The following KAT8 variants were observed in gnomAD, a reference collection of about 807,000 sequenced individuals.
KAT8 encodes histone acetyltransferase KAT8.
In KAT8, 40 loss-of-function variants were observed where a neutral mutation model predicts 62.9. The ratio of observed to expected loss-of-function variants is 0.64; its 90% CI spans 0.49 to 0.83. The LOEUF (loss-of-function observed/expected upper bound fraction) is 0.83, where lower values mean the gene tolerates loss of function less well. Among genes scored for constraint, KAT8 ranks in the 40% least tolerant of loss-of-function variants. The probability of loss-of-function intolerance (pLI) is 0.00; values close to 1 mark genes in which losing one functional copy is unlikely to be tolerated. For missense variants in KAT8, 387 were observed against 614.8 expected (o/e 0.63, Z 3.92); for synonymous variants, 278 against 254.5 (o/e 1.09, Z -0.88).
intron 10 of KAT8, 122 bp downstream of exon 10, chr16:31,131,022 T>C (rs1205194926): frequency 6.6e-7 from 1 of 1,512,120 alleles, no homozygotes; most frequent in South Asian, 1.3e-5. Flanking sequence ...GCTCCCAGGA[T>C]GGAGCCCGGG....
chr16:31,130,104 A>G lies in KAT8; in HGVS notation c.859A>G (p.Ile287Val), dbSNP rs1348705512. Residue 287 changes from isoleucine to valine, a missense_variant, in exon 7 of 11, where the codon ATC becomes GTC. Transcript: ENST00000219797. ...TGACGTGGAGCCGTTCGTCTTTTAC[A>G]TCCTGACTGAGGTGGACCGGCAGGG... The part of the protein sequence containing the change: ...YFDVEPFVFY[I>V]LTEVDRQGAH... 5.0e-6 allele frequency: 8 copies of G among 1,605,408 alleles called. No homozygotes were observed. In the South Asian group the frequency reaches 8.8e-5, roughly 18 times the overall value.
chr16:31,120,296 G>GAGTT (rs2057483674), intron 2 of KAT8, 36 bp downstream of exon 2: 1 of 1,613,974 alleles, frequency 6.2e-7, no homozygotes, highest in East Asian at 2.2e-5. Context: ...TGGGTGCAGG[G>GAGTT]AGTTGGCTGC....
chr16:31,120,344 C>T lies in KAT8; in HGVS notation c.292C>T (p.Arg98Trp). The change falls in exon 3 of 11, where the codon CGG (arginine) becomes TGG (tryptophan). Residue 98 changes from arginine to tryptophan, a missense_variant. By Grantham distance (101) the Arg-to-Trp change is moderately radical. This residue lies in a region of KAT8 where 69 missense variants were observed against 127.0 expected (regional missense o/e 0.54). Transcript: ENST00000219797. ...EFYVHYVGFN[R>W]RLDEWVDKNR... ...CTTATGGCCCATACTTACAGTTAAC[C>T]GGCGGCTGGACGAGTGGGTAGACAA... The T allele has an allele frequency of 6.2e-7, 1 of 1,613,876 alleles. No individual in the cohort carries two copies.
chr16:31,130,915 G>C lies in KAT8; in HGVS notation c.1312+15G>C, dbSNP rs777275739. On this transcript the variant is annotated intron_variant, in intron 10 of 10. Transcript: ENST00000219797. ...ACCCATCACAGGTGGGTGGGGGGCT[G>C]CTGTGTGTCGGGGGCGGTGGGGGAG... 6.2e-7 allele frequency: 1 copy of C among 1,608,576 alleles called. No individual in the cohort carries two copies. Among genetic ancestry groups the C allele is most frequent in the South Asian group, 1.1e-5 (1 of 90,756 alleles).
At chr16:31,127,902 G>GGCT in intron 5 of KAT8, 148 bp from the exon 6 acceptor site, 1 of 647,076 alleles carries the variant, frequency 1.5e-6, no homozygotes, top group Non-Finnish European at 2.8e-6. Flanking sequence ...ACTTTCCTAA[G>GGCT]GCTGCTGGGA....
chr16:31,120,164 C>T, intron 1 of KAT8, 22 bp from the exon 2 acceptor site: 1 of 1,608,170 alleles, frequency 6.2e-7, no homozygotes, highest in Non-Finnish European at 8.5e-7. Flanking sequence ...TTCCTGATGA[C>T]CCTAGCCTTT....
chr16:31,118,971 CCTT>C (rs887457970), intron 1 of KAT8, among the ~76,000 whole-genome samples: 12 of 150,164 alleles, frequency 8.0e-5, no homozygotes, highest in Non-Finnish European at 1.6e-4. Flanking sequence ...GAAGCCTAGA[CCTT>C]CTAGGCTCAA....
Position 31,130,048 on chromosome 16 carries a change from A to G in KAT8, c.803A>G (p.Lys268Arg). ...TGTCAGAACCTGTGTCTGCTGGCCAAGCTTTTCCTGGACCATAAGACACTG... is the reference window on the plus strand; with the variant it reads ...TGTCAGAACCTGTGTCTGCTGGCCAGGCTTTTCCTGGACCATAAGACACTG... The part of the protein sequence containing the change: ...IYCQNLCLLA[K>R]LFLDHKTLYF... The change falls in exon 7 of 11, where the codon AAG becomes AGG. Residue 268 changes from lysine (K) to arginine (R), a missense_variant. By Grantham distance (26) the Lys-to-Arg change is conservative (BLOSUM62 2). Around this residue, in one of 6 missense-constraint regions of KAT8, gnomAD observed 141 missense variants for 222.5 expected, o/e 0.63. Transcript: ENST00000219797. 6.2e-7 allele frequency: 1 copy of G among 1,614,134 alleles called. No homozygotes were observed. Among genetic ancestry groups the G allele is most frequent in the Non-Finnish European group, 8.5e-7 (1 of 1,180,038 alleles).
At chr16:31,128,753 G>A (rs1054502827) in intron 6 of KAT8, among the ~76,000 whole-genome samples, 2 of 152,222 alleles carry the variant, frequency 1.3e-5, no homozygotes, top group Non-Finnish European at 2.9e-5. Context: ...AAAGAAAGGT[G>A]TTTGTTTTTG....
In KAT8 at chr16:31,130,375, G is replaced by A; in HGVS notation, c.1006+15G>A. On this transcript the variant is annotated intron_variant, in intron 8 of 10. Transcript: ENST00000219797. ...CATCGCTTTCAGTGAGTGGTTCCTG[G>A]CCTGTCTGGGAGGGGGAGACCTGTG... 1 of 1,614,204 alleles carries A rather than the reference G, an allele frequency of 6.2e-7. No individual in the cohort carries two copies. Among genetic ancestry groups the A allele is most frequent in the African/African-American group, 1.3e-5 (1 of 75,064 alleles).
chr16:31,131,171 G>A (rs1391672642), intron 10 of KAT8, 24 bp from the exon 11 acceptor site: 3 of 1,613,230 alleles, frequency 1.9e-6, no homozygotes, highest in Non-Finnish European at 2.5e-6. Flanking sequence ...GCCCAGCCCT[G>A]CCTCCCGCCC....
chr16:31,117,818 C>T lies in KAT8; in HGVS notation c.137C>T (p.Pro46Leu), dbSNP rs1327408472. The T allele has an allele frequency of 4.9e-6, 7 of 1,434,774 alleles. No individual in the cohort carries two copies. The highest frequency in any genetic ancestry group is 4.5e-4 in the Middle Eastern group (2 of 4,448). 88.9% of individuals were successfully genotyped at this position (1,434,774 alleles called of 1,614,324 possible). A position where few individuals can be genotyped will look rare whatever the true frequency, so the allele number is the denominator to read the frequency against. The part of the protein sequence containing the change: ...PSPGRVSPPT[P>L]ARGEPEVTVE... The stretch of plus-strand genomic sequence containing the variant: ...CCGGGCCGCGTCTCTCCGCCGACCC[C>T]GGCGCGCGGCGAGCCGGAAGTCACG... The change falls in exon 1 of 11, where the codon CCG (proline) becomes CTG (leucine). Residue 46 changes from proline to leucine, a missense_variant. Around this residue, in one of 6 missense-constraint regions of KAT8, gnomAD observed 92 missense variants for 78.8 expected, o/e 1.17. Coordinates refer to ENST00000219797, the MANE Select transcript of KAT8 (RefSeq NM_032188.3).
At chr16:31,130,673 A>T (rs2057570643) in intron 9 of KAT8, 67 bp downstream of exon 9, 1 of 1,610,526 alleles carries the variant, frequency 6.2e-7, no homozygotes, top group South Asian at 1.1e-5. Context: ...CTGCTTCCTC[A>T]TACCCTGTCA....
intron 6 of KAT8, among the ~76,000 whole-genome samples, chr16:31,128,869 T>G (rs1003070390): frequency 2.0e-5 from 3 of 152,224 alleles, no homozygotes; most frequent in African/African-American, 7.2e-5. Context: ...GCAGGGCAGG[T>G]TGGGGCCTTT....
In KAT8 at chr16:31,118,048, G is replaced by T. The variant is rs1438467238; in HGVS notation, c.211+156G>T. On this transcript the variant is annotated intron_variant, in intron 1 of 10. Transcript: ENST00000219797. ...GAGGAAAGAACGCCGCGTTCCGGGCGCTGAGAAACCAGCCGGGTTGTGGGA... is the reference window on the plus strand; with the variant it reads ...GAGGAAAGAACGCCGCGTTCCGGGCTCTGAGAAACCAGCCGGGTTGTGGGA... 7.1e-6 allele frequency: 4 copies of T among 561,528 alleles called. No homozygotes were observed. In the East Asian group the frequency reaches 1.0e-4, roughly 15 times the overall value. 34.8% of individuals were successfully genotyped at this position (561,528 alleles called of 1,614,324 possible).
At chr16:31,120,597 A>T (rs2057485938) in intron 3 of KAT8, 83 bp downstream of exon 3, 1 of 1,274,042 alleles carries the variant, frequency 7.8e-7, no homozygotes, top group African/African-American at 1.5e-5. Context: ...CCAGTGCCAA[A>T]ACCATAGCAA....
chr16:31,130,658 C>T lies in KAT8; in HGVS notation c.1157+52C>T, dbSNP rs73530235. On this transcript the variant is annotated intron_variant, in intron 9 of 10. Transcript: ENST00000219797. ...GCAGGACTTGCCCTGAGATGGGCCA[C>T]GATCCTGCTTCCTCATACCCTGTCA... 4.2e-4 allele frequency: 669 copies of T among 1,610,360 alleles called. 3 individuals are homozygous for T. The African/African-American group carries it at 8.0e-3, about 19-fold the overall frequency.
At position 31,120,409 on chromosome 16, in the gene KAT8, A is replaced by G. The variant is rs753609278; in HGVS notation, c.357A>G (p.Val119=). 5.0e-6 allele frequency: 8 copies of G among 1,614,132 alleles called. No individual in the cohort carries two copies. In the South Asian group the frequency reaches 5.5e-5, roughly 11 times the overall value. ...LALTKTVKDA[V]QKNSEKYLSE... ...TGACCAAGACAGTGAAGGATGCTGT[A>G]CAGAAGAACTCAGAGAAGTACCTGA... Residue 119 remains valine, a synonymous_variant, in exon 3 of 11, where the codon GTA becomes GTG. Coordinates refer to ENST00000219797, the MANE Select transcript of KAT8 (RefSeq NM_032188.3).
chr16:31,119,647 CTTTTT>C (rs998730673), intron 1 of KAT8, among the ~76,000 whole-genome samples: 1 of 151,532 alleles, frequency 6.6e-6, no homozygotes, highest in African/African-American at 2.4e-5. Flanking sequence ...TTTTGGGGTT[CTTTTT>C]TTTGAGACAG....
Sources: gnomAD v4.1 joint callset for allele counts (sites outside exome capture counted in the v4.1 genomes callset) on GRCh38, gnomAD v4.1.1 for gene constraint, gnomAD v4.1.1 regional missense constraint, MANE v1.5 for transcripts, NCBI Gene and HGNC (gene_info 2026-07-23, HGNC 2026-07-21) for gene names.